The following AATF variants were observed in gnomAD, a reference collection of about 807,000 sequenced individuals.
AATF encodes the protein protein AATF.
In AATF, 48 loss-of-function variants were observed where a neutral mutation model predicts 63.7. The ratio of observed to expected loss-of-function variants is 0.75; its 90% CI spans 0.60 to 0.96. AATF has a LOEUF of 0.96. Ranked by LOEUF, AATF falls within the 40% of genes least tolerant of loss-of-function variation. AATF has a pLI of 0.00. For missense variants in AATF, 639 were observed against 685.7 expected, an observed-to-expected ratio of 0.93 and a Z score of 0.76; for synonymous variants, 258 against 247.7, an observed-to-expected ratio of 1.04 and a Z score of -0.39.
At chr17:37,050,198 A>T (rs1026034811) in intron 11 of AATF, among the ~76,000 whole-genome samples, 6 of 152,130 alleles carry the variant, frequency 3.9e-5, no homozygotes, top group African/African-American at 1.4e-4. Context: ...TCCTAAAATG[A>T]CAGAATTGGG....
intron 11 of AATF, among the ~76,000 whole-genome samples, chr17:37,054,223 C>T (rs959502452): frequency 9.2e-5 from 14 of 152,204 alleles, no homozygotes; most frequent in African/African-American, 3.4e-4. Context: ...CCATGCTGCT[C>T]CTGGGCCCCA....
chr17:37,005,022 A>G (rs2071331506), intron 8 of AATF, among the ~76,000 whole-genome samples: 1 of 152,222 alleles, frequency 6.6e-6, no homozygotes, highest in South Asian at 2.1e-4. Flanking sequence ...AGTTTGGCAA[A>G]CTATTGTGGT....
intron 10 of AATF, among the ~76,000 whole-genome samples, chr17:37,030,832 C>G (rs1888118068): frequency 6.6e-6 from 1 of 152,144 alleles, no homozygotes; most frequent in South Asian, 2.1e-4. Flanking sequence ...TACTGTACCA[C>G]TACCTGTGCT....
chr17:36,979,193 G>A (rs768856784), intron 4 of AATF, among the ~76,000 whole-genome samples: 1 of 152,028 alleles, frequency 6.6e-6, no homozygotes, highest in Non-Finnish European at 1.5e-5. Flanking sequence ...TGCTGAGCCT[G>A]CCTCTTGAAT....
intron 4 of AATF, among the ~76,000 whole-genome samples, chr17:36,985,461 T>G (rs2071161092): frequency 6.7e-6 from 1 of 148,790 alleles, no homozygotes; most frequent in Admixed American, 6.7e-5. Flanking sequence ...TTTTTTTTTT[T>G]GGTTAGAGCC....
At chr17:36,987,846 G>A (rs17651665) in intron 5 of AATF, among the ~76,000 whole-genome samples, 17,600 of 152,090 alleles carry the variant, frequency 0.12, 1,299 homozygotes, top group Non-Finnish European at 0.16. Flanking sequence ...ATTGATTTGA[G>A]GATTAAGGTC....
intron 2 of AATF, among the ~76,000 whole-genome samples, chr17:36,951,843 G>A (rs888221694): frequency 3.3e-5 from 5 of 152,254 alleles, no homozygotes; most frequent in Middle Eastern, 3.4e-3. Context: ...TTAAAGAAGC[G>A]CTGAAGACCT....
At chr17:36,994,645 G>A (rs1257987020) in intron 8 of AATF, among the ~76,000 whole-genome samples, 1 of 152,212 alleles carries the variant, frequency 6.6e-6, no homozygotes, top group East Asian at 1.9e-4. Flanking sequence ...TGACCACGAA[G>A]GATGAGCCAT....
At chr17:37,023,922 T>C (rs1161783454) in intron 10 of AATF, among the ~76,000 whole-genome samples, 1 of 152,104 alleles carries the variant, frequency 6.6e-6, no homozygotes, top group East Asian at 1.9e-4. Flanking sequence ...GCATATAACC[T>C]ACACACATCC....
At chr17:37,055,700 A>C (rs1189054234) in intron 11 of AATF, 1 of 152,276 alleles carries the variant, frequency 6.6e-6, no homozygotes, top group Non-Finnish European at 1.5e-5. Flanking sequence ...GGGCGTGGAC[A>C]TGGATGGCTG....
At chr17:36,979,509 C>T (rs1378736623) in intron 4 of AATF, among the ~76,000 whole-genome samples, 2 of 151,992 alleles carry the variant, frequency 1.3e-5, no homozygotes, top group African/African-American at 4.8e-5. Flanking sequence ...TAGTTTAGCT[C>T]TAGTTCTAGA....
chr17:37,034,173 A>G (rs1301860333), intron 11 of AATF, among the ~76,000 whole-genome samples: 1 of 152,148 alleles, frequency 6.6e-6, no homozygotes, highest in Non-Finnish European at 1.5e-5. Flanking sequence ...CACCATTCTC[A>G]TTGTGTTTCC....
At chr17:37,046,889 C>T (rs2071698176) in intron 11 of AATF, among the ~76,000 whole-genome samples, 1 of 152,152 alleles carries the variant, frequency 6.6e-6, no homozygotes, top group Non-Finnish European at 1.5e-5. Context: ...AGCAGTGAAG[C>T]ATCCCCTAGC....
chr17:37,032,169 G>A (rs896988042), intron 11 of AATF, among the ~76,000 whole-genome samples: 6 of 152,218 alleles, frequency 3.9e-5, no homozygotes, highest in South Asian at 2.1e-4. Context: ...TAATATTACC[G>A]TTCAGGGATA....
chr17:37,014,382 C>G (rs1484138950), intron 8 of AATF, among the ~76,000 whole-genome samples: 30 of 152,048 alleles, frequency 2.0e-4, no homozygotes, highest in Admixed American at 2.0e-3. Context: ...GCTATCTGCT[C>G]TTGCTATTGA....
chr17:36,998,039 T>A (rs2142259802), intron 8 of AATF, among the ~76,000 whole-genome samples: 1 of 152,222 alleles, frequency 6.6e-6, no homozygotes, highest in African/African-American at 2.4e-5. Flanking sequence ...CACAAAGGCA[T>A]AAGAATGATA....
chr17:36,957,967 C>T (rs1027198702), intron 4 of AATF, among the ~76,000 whole-genome samples: 2 of 152,110 alleles, frequency 1.3e-5, no homozygotes, highest in African/African-American at 2.4e-5. Context: ...ACCCCAAACA[C>T]GTAAACTTAG....
intron 4 of AATF, among the ~76,000 whole-genome samples, chr17:36,973,800 G>T (rs1340659165): frequency 6.6e-6 from 1 of 152,182 alleles, no homozygotes; most frequent in Non-Finnish European, 1.5e-5. Flanking sequence ...GCTGGGGACG[G>T]TGGCTTACGC....
At chr17:36,982,667 G>GT (rs906921026) in intron 4 of AATF, among the ~76,000 whole-genome samples, 71 of 151,672 alleles carry the variant, frequency 4.7e-4, no homozygotes, top group Admixed American at 7.2e-4. Flanking sequence ...TTTTTTTGTT[G>GT]TTTTTTTTGT....
Sources: gnomAD v4.1 joint callset for allele counts (sites outside exome capture counted in the v4.1 genomes callset) on GRCh38, gnomAD v4.1.1 for gene constraint, MANE v1.5 for transcripts, NCBI Gene and HGNC (gene_info 2026-07-23, HGNC 2026-07-21) for gene names.